Variants in FIG4 observed in about 807,000 individuals in gnomAD.
The protein encoded by FIG4 is polyphosphoinositide phosphatase.
In FIG4, 112 loss-of-function variants were observed where a neutral mutation model predicts 118.6. The ratio of observed to expected loss-of-function variants is 0.94; its 90% CI spans 0.81 to 1.11. FIG4 has a LOEUF of 1.11. Ranked by LOEUF, FIG4 falls within the 50% of genes least tolerant of loss-of-function variation. FIG4 has a pLI of 0.00. For missense variants in FIG4, 969 were observed against 1,111.7 expected (o/e 0.87, Z 1.83); for synonymous variants, 369 against 381.2 (o/e 0.97, Z 0.37).
At chr6:109,726,580 T>C (rs1357535730) in intron 3 of FIG4, among the ~76,000 whole-genome samples, 13 of 152,192 alleles carry the variant, frequency 8.5e-5, no homozygotes, top group Admixed American at 8.5e-4. Flanking sequence ...CTTGGTGTCT[T>C]GGCTATGAGG....
In FIG4 at chr6:109,768,198, GC is replaced by G. The variant is rs563922704; in HGVS notation, c.1750+1307del. Among the ~76,000 whole-genome samples, 453 of 152,258 alleles carry G rather than the reference GC, an allele frequency of 3.0e-3. 3 individuals carry two copies. The highest frequency in any genetic ancestry group is 9.9e-3 in the African/African-American group (410 of 41,538). On this transcript the variant is annotated intron_variant, in intron 15 of 22. Transcript: ENST00000230124. Reference sequence around the variant, plus strand: ...GTTGGCCTGGGTCCTGGCCAGTAAGGCCCCTGGAAGGACAGAGAGACCTTAG... The same window carrying G: ...GTTGGCCTGGGTCCTGGCCAGTAAGGCCCTGGAAGGACAGAGAGACCTTAG...
At chr6:109,754,835 T>C (rs897790853) in intron 10 of FIG4, among the ~76,000 whole-genome samples, 2 of 152,214 alleles carry the variant, frequency 1.3e-5, no homozygotes, top group Non-Finnish European at 2.9e-5. Flanking sequence ...CTTTTTTCTT[T>C]ATTAGTCTTG....
At chr6:109,814,733 C>A (rs1354825577) in intron 22 of FIG4, among the ~76,000 whole-genome samples, 1 of 152,120 alleles carries the variant, frequency 6.6e-6, no homozygotes, top group African/African-American at 2.4e-5. Flanking sequence ...TGGATATGTC[C>A]TCATCAGCCT....
At chr6:109,788,667 T>C (rs2128396666) in intron 18 of FIG4, among the ~76,000 whole-genome samples, 1 of 152,302 alleles carries the variant, frequency 6.6e-6, no homozygotes, top group East Asian at 1.9e-4. Flanking sequence ...ATGAAAACGA[T>C]CAATTGTGTA....
chr6:109,722,968 C>T (rs1297847355), intron 3 of FIG4, among the ~76,000 whole-genome samples: 2 of 141,698 alleles, frequency 1.4e-5, no homozygotes, highest in East Asian at 2.1e-4. Context: ...GCCTTCTTGG[C>T]GGCACCTGCC....
intron 13 of FIG4, 65 bp downstream of exon 13, chr6:109,764,047 G>C (rs1279969953): frequency 1.0e-5 from 11 of 1,053,650 alleles, no homozygotes; most frequent in Non-Finnish European, 1.6e-5. Context: ...TATGTTTTCT[G>C]TAAGCAATCA....
intron 22 of FIG4, among the ~76,000 whole-genome samples, chr6:109,824,310 T>C (rs1313114366): frequency 6.6e-6 from 1 of 152,204 alleles, no homozygotes; most frequent in East Asian, 1.9e-4. Context: ...GAATTCCGAA[T>C]TGTCAGCATA....
Position 109,735,195 on chromosome 6 carries a change from C to T in FIG4, c.543C>T (p.Val181=). 1 of 1,612,732 alleles carries T rather than the reference C, an allele frequency of 6.2e-7. No individual in the cohort carries two copies. The highest frequency in any genetic ancestry group is 8.5e-7 in the Non-Finnish European group (1 of 1,178,912). ...ACTCACTTCAATATAATCTCACTGT[C>T]TTGCGAATGCCCCTGGAGATGTTAA... ...LSHSLQYNLT[V]LRMPLEMLKS... Residue 181 remains valine, a synonymous_variant, in exon 6 of 23, where the codon GTC becomes GTT. Coordinates refer to ENST00000230124, the MANE Select transcript of FIG4 (RefSeq NM_014845.6).
intron 22 of FIG4, among the ~76,000 whole-genome samples, chr6:109,800,423 C>G (rs1308429989): frequency 4.6e-5 from 7 of 152,170 alleles, no homozygotes; most frequent in Non-Finnish European, 1.0e-4. Context: ...AGCATACTGT[C>G]CCTAATGTAG....
rs183303452 is a variant in FIG4 at position 109,767,073 on chromosome 6, T to C, written c.1750+178T>C. Among the ~76,000 whole-genome samples, 88 of 152,316 alleles carry C rather than the reference T, an allele frequency of 5.8e-4. 1 individual carries two copies. The highest frequency in any genetic ancestry group is 3.4e-3 in the Middle Eastern group (1 of 294). ...TGTCCAATAAATGAATGAATAAACA[T>C]TTGTATTTTAAATAGGACACTTTTG... is the stretch of plus-strand genomic sequence containing the variant. On this transcript the variant is annotated intron_variant, in intron 15 of 22. Coordinates refer to ENST00000230124, the MANE Select transcript of FIG4 (RefSeq NM_014845.6).
intron 3 of FIG4, among the ~76,000 whole-genome samples, chr6:109,723,461 C>G (rs1280794772): frequency 2.6e-5 from 4 of 152,168 alleles, no homozygotes; most frequent in Admixed American, 6.5e-5. Context: ...CTCCAATATT[C>G]ATTTAAAAAC....
At chr6:109,802,791 G>T (rs748921485) in intron 22 of FIG4, among the ~76,000 whole-genome samples, 12 of 152,202 alleles carry the variant, frequency 7.9e-5, no homozygotes, top group Non-Finnish European at 1.5e-4. Flanking sequence ...AATAAATGCA[G>T]GCCTTGGAAA....
intron 1 of FIG4, among the ~76,000 whole-genome samples, chr6:109,697,439 C>T (rs981217152): frequency 5.9e-5 from 9 of 152,252 alleles, no homozygotes; most frequent in Admixed American, 1.3e-4. Context: ...AGCTAACTCA[C>T]GTGCCTGACA....
At chr6:109,723,981 A>C (rs1222715103) in intron 3 of FIG4, among the ~76,000 whole-genome samples, 1 of 152,156 alleles carries the variant, frequency 6.6e-6, no homozygotes, top group Non-Finnish European at 1.5e-5. Flanking sequence ...TTTTTAGTTT[A>C]AGCTGACTCA....
rs141016262 is a variant in FIG4, at chr6:109,744,461, A to C, written c.1137+689A>C. Among the ~76,000 whole-genome samples the C allele has an allele frequency of 5.2e-3, 789 of 152,028 alleles. 12 individuals carry two copies. The highest frequency in any genetic ancestry group is 4.3e-3 in the Non-Finnish European group (291 of 67,952). On this transcript the variant is annotated intron_variant, in intron 10 of 22. Transcript: ENST00000230124. ...AAAGACTCTCAGTCAGAAGCCAAGA[A>C]TACCCTGAGAGTATGAAAAGCAAGG...
chr6:109,732,398 T>G (rs1244630417), intron 4 of FIG4, among the ~76,000 whole-genome samples: 1 of 152,172 alleles, frequency 6.6e-6, no homozygotes, highest in Non-Finnish European at 1.5e-5. Context: ...TGCACGACTT[T>G]GCCTCTCACT....
At chr6:109,777,083 A>G (rs1777643767) in intron 16 of FIG4, 23 bp downstream of exon 16, 2 of 1,601,390 alleles carry the variant, frequency 1.2e-6, no homozygotes, top group Admixed American at 1.7e-5. Flanking sequence ...CTAGTCTGTA[A>G]TATAAACTCC....
intron 3 of FIG4, among the ~76,000 whole-genome samples, chr6:109,717,857 T>G (rs991026565): frequency 1.3e-5 from 2 of 152,206 alleles, no homozygotes; most frequent in Non-Finnish European, 1.5e-5. Flanking sequence ...CAGCACCTTA[T>G]TTTGAGTCTT....
At chr6:109,788,842 T>C (rs958342045) in intron 18 of FIG4, among the ~76,000 whole-genome samples, 6 of 152,246 alleles carry the variant, frequency 3.9e-5, no homozygotes, top group Admixed American at 1.3e-4. Flanking sequence ...AGGAGTCTTA[T>C]CCATCAGAAA....
Sources: gnomAD v4.1 joint callset for allele counts (sites outside exome capture counted in the v4.1 genomes callset) on GRCh38, gnomAD v4.1.1 for gene constraint, MANE v1.5 for transcripts, NCBI Gene and HGNC (gene_info 2026-07-23, HGNC 2026-07-21) for gene names.